Variants in ARHGAP24 observed in about 807,000 individuals in gnomAD.
ARHGAP24 encodes Rho GTPase activating protein 24, also known as rho GTPase-activating protein 24.
In ARHGAP24, 50 loss-of-function variants were observed where a neutral mutation model predicts 76.4. That is an observed-to-expected ratio of 0.65 (90% CI 0.52 to 0.83). ARHGAP24 has a LOEUF of 0.83. Among genes scored for constraint, ARHGAP24 ranks in the 40% least tolerant of loss-of-function variants. The pLI, the probability that ARHGAP24 is intolerant of heterozygous loss-of-function variation, is 0.00. For synonymous variants in ARHGAP24, 345 were observed against 323.3 expected (o/e 1.07, Z -0.72); for missense variants, 930 against 914.2 (o/e 1.02, Z -0.22).
At chr4:85,657,830 CT>C (rs1722230109) in intron 2 of ARHGAP24, among the ~76,000 whole-genome samples, 1 of 152,260 alleles carries the variant, frequency 6.6e-6, no homozygotes, top group Non-Finnish European at 1.5e-5. Context: ...TCTCAGCTCA[CT>C]GCAAACTCTG....
intron 2 of ARHGAP24, among the ~76,000 whole-genome samples, chr4:85,643,598 A>G (rs1433173156): frequency 1.3e-5 from 2 of 152,114 alleles, no homozygotes; most frequent in African/African-American, 2.4e-5. Flanking sequence ...ACCTTCTAGC[A>G]TACTATAAAA....
chr4:85,689,466 A>AATCTCC (rs202060329), intron 2 of ARHGAP24, among the ~76,000 whole-genome samples: 2,195 of 152,234 alleles, frequency 0.014, 31 homozygotes, highest in Non-Finnish European at 0.024. Context: ...AGCTCACTAC[A>AATCTCC]ATCTCCACCT....
intron 2 of ARHGAP24, among the ~76,000 whole-genome samples, chr4:85,683,115 G>T (rs1363105274): frequency 8.8e-5 from 9 of 101,920 alleles, no homozygotes; most frequent in Admixed American, 8.3e-4. Context: ...TGTGTGGGGG[G>T]GTGGGGGGGG....
At chr4:85,903,707 T>G (rs1274840671) in intron 3 of ARHGAP24, among the ~76,000 whole-genome samples, 2 of 152,168 alleles carry the variant, frequency 1.3e-5, no homozygotes, top group African/African-American at 4.8e-5. Context: ...TCTGATACAC[T>G]TGATCTGAAT....
chr4:85,914,644 TAACTTTC>T (rs1735272338), intron 3 of ARHGAP24, among the ~76,000 whole-genome samples: 1 of 152,236 alleles, frequency 6.6e-6, no homozygotes, highest in Admixed American at 6.5e-5. Flanking sequence ...TTCTTGTTTT[TAACTTTC>T]ATGACCATTA....
chr4:85,876,200 C>T (rs1732928586), intron 3 of ARHGAP24, among the ~76,000 whole-genome samples: 2 of 152,102 alleles, frequency 1.3e-5, no homozygotes, highest in African/African-American at 2.4e-5. Context: ...TCAACAAAAC[C>T]AGCCCCTATC....
At chr4:85,958,874 G>C (rs1738076350) in intron 5 of ARHGAP24, among the ~76,000 whole-genome samples, 1 of 152,042 alleles carries the variant, frequency 6.6e-6, no homozygotes, top group African/African-American at 2.4e-5. Flanking sequence ...TGTCTCTATA[G>C]ATTTTTCCTT....
Position 85,788,914 on chromosome 4 carries a change from G to A in ARHGAP24, c.268+66942G>A, listed in dbSNP as rs541093444. On this transcript the variant is annotated intron_variant, in intron 3 of 9. Transcript: ENST00000395184. ...GGAAAATTACTTCTGTTTTCTCGAG[G>A]ATGTGGCATAATAAGAAATACATAT... Among the ~76,000 whole-genome samples, 14 of 152,268 alleles carry A rather than the reference G, an allele frequency of 9.2e-5. No individual in the cohort carries two copies. In the South Asian group the frequency reaches 2.5e-3, roughly 27 times the overall value.
chr4:85,950,086 G>A (rs1377752082), intron 5 of ARHGAP24, among the ~76,000 whole-genome samples: 1 of 152,106 alleles, frequency 6.6e-6, no homozygotes, highest in Non-Finnish European at 1.5e-5. Context: ...ATGACAAGAG[G>A]CCTGTTACAC....
At chr4:85,859,242 C>CACACAA (rs1439225393) in intron 3 of ARHGAP24, among the ~76,000 whole-genome samples, 1 of 151,208 alleles carries the variant, frequency 6.6e-6, no homozygotes, top group Admixed American at 6.6e-5. Flanking sequence ...CACACACACA[C>CACACAA]AAGATGTGCT....
intron 3 of ARHGAP24, among the ~76,000 whole-genome samples, chr4:85,825,102 C>T (rs916697154): frequency 4.0e-5 from 6 of 150,762 alleles, no homozygotes; most frequent in African/African-American, 1.2e-4. Flanking sequence ...AAAAACGAAA[C>T]GAAACAAAAC....
At chr4:85,910,276 AC>A (rs937384495) in intron 3 of ARHGAP24, among the ~76,000 whole-genome samples, 1 of 152,248 alleles carries the variant, frequency 6.6e-6, no homozygotes, top group Admixed American at 6.5e-5. Flanking sequence ...TCCCTGAGGG[AC>A]CACGGTTCTT....
chr4:85,507,970 T>C (rs1167940488), intron 1 of ARHGAP24, among the ~76,000 whole-genome samples: 7 of 152,192 alleles, frequency 4.6e-5, no homozygotes, highest in Non-Finnish European at 1.0e-4. Flanking sequence ...ATGAGAAGCT[T>C]TGCTGTCTCG....
intron 2 of ARHGAP24, among the ~76,000 whole-genome samples, chr4:85,615,385 G>A (rs757233786): frequency 3.3e-5 from 5 of 152,054 alleles, no homozygotes; most frequent in Non-Finnish European, 7.4e-5. Flanking sequence ...AATTTTATCA[G>A]TGATTAAAGT....
chr4:85,702,075 G>A lies in ARHGAP24; in HGVS notation c.181-19810G>A, dbSNP rs528820662. Among the ~76,000 whole-genome samples, 23 of 152,120 alleles carry A rather than the reference G, an allele frequency of 1.5e-4. No homozygotes were observed. In the South Asian group the frequency reaches 4.6e-3, roughly 30 times the overall value. ...TTTCATCTCTACTCCATTCCTATCAGCCTATGAATGTGTGTCTCTCTTTTT... is the reference window on the plus strand; with the variant it reads ...TTTCATCTCTACTCCATTCCTATCAACCTATGAATGTGTGTCTCTCTTTTT... On this transcript the variant is annotated intron_variant, in intron 2 of 9. Transcript: ENST00000395184.
At position 85,755,635 on chromosome 4, in the gene ARHGAP24, T is replaced by TTG. The variant is rs1491034800; in HGVS notation, c.268+33663_268+33664insTG. Among the ~76,000 whole-genome samples the TTG allele has an allele frequency of 2.2e-4, 20 of 92,972 alleles. 3 individuals are homozygous for TTG. The East Asian group carries it at 3.7e-3, about 17-fold the overall frequency. The allele number at this position is 92,972 out of a possible 152,430, so 61.0% of individuals were successfully genotyped here. Reference sequence around the variant, plus strand: ...AAGCTTCTATTCTTTTGTTTTGTTTTGTTTTGTTTTGTTTTGAGACGGAGT... The same window carrying TTG: ...AAGCTTCTATTCTTTTGTTTTGTTTTTGGTTTTGTTTTGTTTTGAGACGGAGT... On this transcript the variant is annotated intron_variant, in intron 3 of 9. Transcript: ENST00000395184.
intron 2 of ARHGAP24, among the ~76,000 whole-genome samples, chr4:85,666,029 C>G (rs1435667421): frequency 2.0e-5 from 3 of 151,988 alleles, no homozygotes; most frequent in Non-Finnish European, 2.9e-5. Flanking sequence ...TCTTTGTGGC[C>G]TTCTCTGTAT....
intron 4 of ARHGAP24, among the ~76,000 whole-genome samples, chr4:85,937,545 A>G (rs761277158): frequency 1.2e-4 from 18 of 152,192 alleles, no homozygotes; most frequent in Non-Finnish European, 2.5e-4. Context: ...TGTATCAGGT[A>G]AAGTAAAAAC....
chr4:85,792,565 C>CA (rs757908893), intron 3 of ARHGAP24, among the ~76,000 whole-genome samples: 17 of 150,930 alleles, frequency 1.1e-4, no homozygotes, highest in South Asian at 4.2e-4. Flanking sequence ...TCTGAACCCT[C>CA]AAAAAAAAAT....
Sources: allele counts gnomAD v4.1 joint callset (sites outside exome capture counted in the v4.1 genomes callset), GRCh38; gene constraint gnomAD v4.1.1; transcripts MANE v1.5; gene names NCBI Gene and HGNC (gene_info 2026-07-23, HGNC 2026-07-21).